Variants in TMEM230 observed in about 807,000 individuals in gnomAD.
TMEM230 encodes the protein transmembrane protein 230.
TMEM230 carries 10 observed loss-of-function variants against 15.8 expected under a neutral mutation model. The observed-to-expected ratio is 0.63, with a 90% confidence interval of 0.39 to 1.07. The LOEUF (loss-of-function observed/expected upper bound fraction) is 1.07, where lower values mean the gene tolerates loss of function less well. TMEM230 is among the 50% of genes least tolerant of loss of function. TMEM230 has a pLI of 0.01. For synonymous variants in TMEM230, 67 were observed against 76.9 expected (o/e 0.87, Z 0.68); for missense variants, 165 against 193.3 (o/e 0.85, Z 0.87).
chr20:5,089,318 T>C (rs2089442546), intron 3 of TMEM230, among the ~76,000 whole-genome samples: 1 of 151,422 alleles, frequency 6.6e-6, no homozygotes, highest in African/African-American at 2.4e-5. Flanking sequence ...GGGGTTGCAG[T>C]GAGCCAAGAT....
the TMEM230 span, among the ~76,000 whole-genome samples, chr20:5,059,848 C>T: frequency 4.1e-5 from 6 of 145,826 alleles, no homozygotes; most frequent in South Asian, 2.2e-4. Context: ...GGTGCAACCT[C>T]GGCTCGCTGC....
intron 4 of TMEM230, among the ~76,000 whole-genome samples, chr20:5,101,968 T>A (rs759621440): frequency 1.4e-4 from 21 of 152,224 alleles, no homozygotes; most frequent in Admixed American, 6.5e-5. Context: ...TGACAGTATG[T>A]CCATGGCACT....
intron 3 of TMEM230, among the ~76,000 whole-genome samples, chr20:5,080,460 G>C (rs2089147190): frequency 6.6e-6 from 1 of 152,122 alleles, no homozygotes; most frequent in Admixed American, 6.6e-5. Flanking sequence ...TCTCCAGCCT[G>C]GCAGCAGCTA....
chr20:5,080,502 A>C (rs1256923104), intron 3 of TMEM230, among the ~76,000 whole-genome samples: 2 of 152,126 alleles, frequency 1.3e-5, no homozygotes. Flanking sequence ...TTAGGGAAGG[A>C]ATGACACAGC....
intron 3 of TMEM230, 81 bp from the exon 3 acceptor site, chr20:5,106,391 G>A: frequency 1.4e-6 from 2 of 1,464,936 alleles, no homozygotes; most frequent in Non-Finnish European, 1.8e-6. Flanking sequence ...TTAATTATTT[G>A]TAATTTTTAT....
At chr20:5,076,943 G>C (rs2089022686) in intron 3 of TMEM230, among the ~76,000 whole-genome samples, 1 of 151,066 alleles carries the variant, frequency 6.6e-6, no homozygotes, top group Admixed American at 6.6e-5. Flanking sequence ...CTCTCAAAGT[G>C]CTGGGATTAC....
At chr20:5,092,640 C>T (rs181863435) in intron 3 of TMEM230, among the ~76,000 whole-genome samples, 142 of 150,286 alleles carry the variant, frequency 9.4e-4, no homozygotes, top group Non-Finnish European at 1.3e-3. Context: ...CGCTTGAACC[C>T]GGAGGCAGAG....
At chr20:5,081,585 G>A (rs1457214243) in intron 3 of TMEM230, among the ~76,000 whole-genome samples, 1 of 152,200 alleles carries the variant, frequency 6.6e-6, no homozygotes. Context: ...GGGTGCAGAA[G>A]GAGCTAAGAG....
intron 3 of TMEM230, among the ~76,000 whole-genome samples, chr20:5,078,389 C>G (rs1427523103): frequency 2.6e-5 from 4 of 152,210 alleles, no homozygotes; most frequent in Non-Finnish European, 4.4e-5. Context: ...ACAGATACTC[C>G]CAGCAAATGC....
chr20:5,093,604 T>G (rs1404666579), intron 3 of TMEM230, among the ~76,000 whole-genome samples: 2 of 151,814 alleles, frequency 1.3e-5, no homozygotes, highest in African/African-American at 4.8e-5. Context: ...TGGCACCATC[T>G]CGGCTCACTG....
chr20:5,067,392 G>A (rs2088675487), downstream of TMEM230: 1 of 133,500 alleles, frequency 7.5e-6, no homozygotes, highest in Admixed American at 7.9e-5. Context: ...ATGCCACAAT[G>A]TCAACAGTGT....
downstream of TMEM230, among the ~76,000 whole-genome samples, chr20:5,097,661 G>A (rs527621729): frequency 1.1e-3 from 170 of 152,050 alleles, no homozygotes; most frequent in Admixed American, 3.3e-3. Context: ...TTTTTGAGAC[G>A]GAGTCTCACT....
intron 2 of TMEM230, among the ~76,000 whole-genome samples, chr20:5,110,706 C>A (rs952273700): frequency 6.6e-6 from 1 of 151,534 alleles, no homozygotes; most frequent in Admixed American, 6.6e-5. Context: ...CCTTAAGAAA[C>A]GGAATATGGT....
intron 3 of TMEM230, among the ~76,000 whole-genome samples, chr20:5,076,343 C>T (rs887951010): frequency 6.6e-6 from 1 of 152,018 alleles, no homozygotes; most frequent in Non-Finnish European, 1.5e-5. Flanking sequence ...AGTTCGAGAC[C>T]ATCCTGGCCA....
chr20:5,103,129 T>C (rs968899365), intron 4 of TMEM230, among the ~76,000 whole-genome samples: 1 of 152,168 alleles, frequency 6.6e-6, no homozygotes. Context: ...TTTGGGAGGC[T>C]AGGGTGGGCC....
At chr20:5,092,608 T>C (rs1468218351) in intron 3 of TMEM230, among the ~76,000 whole-genome samples, 1 of 150,646 alleles carries the variant, frequency 6.6e-6, no homozygotes, top group East Asian at 2.0e-4. Flanking sequence ...CCCAGCTACT[T>C]GGGAGGTTGA....
the TMEM230 span, among the ~76,000 whole-genome samples, chr20:5,062,469 T>G: frequency 8.7e-3 from 1,321 of 152,030 alleles, 9 homozygotes; most frequent in Non-Finnish European, 0.015. Context: ...AAATCAGTAG[T>G]CCTAGGTCGA....
At chr20:5,071,365 C>T (rs1159797337) in intron 3 of TMEM230, among the ~76,000 whole-genome samples, 2 of 152,012 alleles carry the variant, frequency 1.3e-5, no homozygotes, top group Non-Finnish European at 2.9e-5. Flanking sequence ...TGGCTCACAC[C>T]TGTAATCCCA....
intron 3 of TMEM230, among the ~76,000 whole-genome samples, chr20:5,081,191 A>C (rs777633137): frequency 6.6e-6 from 1 of 152,232 alleles, no homozygotes; most frequent in Non-Finnish European, 1.5e-5. Context: ...AGAGAGAAGC[A>C]TGTGGGTTTG....
Sources: gnomAD v4.1 joint callset for allele counts (sites outside exome capture counted in the v4.1 genomes callset) on GRCh38, gnomAD v4.1.1 for gene constraint, MANE v1.5 for transcripts, NCBI Gene and HGNC (gene_info 2026-07-23, HGNC 2026-07-21) for gene names.